Variants in ROBO1 observed in about 807,000 individuals in gnomAD.
The protein encoded by ROBO1 is roundabout homolog 1.
In ROBO1, 149 loss-of-function variants were observed where a neutral mutation model predicts 195.9. The observed-to-expected ratio is 0.76, with a 90% confidence interval of 0.67 to 0.87. The LOEUF (loss-of-function observed/expected upper bound fraction) is 0.87, where lower values mean the gene tolerates loss of function less well. Among genes scored for constraint, ROBO1 ranks in the 40% least tolerant of loss-of-function variants. The probability of loss-of-function intolerance (pLI) is 0.00; values close to 1 mark genes in which losing one functional copy is unlikely to be tolerated. For missense variants in ROBO1, 1,933 were observed against 2,068.3 expected (o/e 0.93, Z 1.27); for synonymous variants, 816 against 733.2 (o/e 1.11, Z -1.82).
chr3:78,975,939 G>T (rs762122084), intron 3 of ROBO1, among the ~76,000 whole-genome samples: 2 of 152,134 alleles, frequency 1.3e-5, no homozygotes, highest in Non-Finnish European at 2.9e-5. Context: ...GTTTAAGGCA[G>T]CATAAAGACC....
At chr3:79,281,532 T>C (rs2031508858) in intron 2 of ROBO1, among the ~76,000 whole-genome samples, 1 of 152,184 alleles carries the variant, frequency 6.6e-6, no homozygotes, top group Admixed American at 6.5e-5. Context: ...ATAGAATGTT[T>C]ATAGAAGTTT....
At chr3:78,690,471 G>T (rs2081147522) in intron 8 of ROBO1, among the ~76,000 whole-genome samples, 1 of 152,028 alleles carries the variant, frequency 6.6e-6, no homozygotes, top group South Asian at 2.1e-4. Flanking sequence ...TTTTAAAACT[G>T]TGATTGTAAT....
chr3:79,293,867 G>A (rs1187591696), intron 2 of ROBO1, among the ~76,000 whole-genome samples: 1 of 151,192 alleles, frequency 6.6e-6, no homozygotes, highest in Admixed American at 6.6e-5. Flanking sequence ...GACCATCCTG[G>A]CTAACACGGT....
At chr3:78,877,173 C>A (rs1294735473) in intron 4 of ROBO1, among the ~76,000 whole-genome samples, 2 of 152,034 alleles carry the variant, frequency 1.3e-5, no homozygotes, top group African/African-American at 4.8e-5. Context: ...TTTTGTAATA[C>A]TAGACTTGGT....
intron 2 of ROBO1, among the ~76,000 whole-genome samples, chr3:79,354,417 T>A (rs1263669983): frequency 6.6e-6 from 1 of 152,186 alleles, no homozygotes; most frequent in Non-Finnish European, 1.5e-5. Context: ...AAGGCCTAAT[T>A]TACCATGCCA....
At chr3:78,673,861 G>A (rs1009579020) in intron 10 of ROBO1, among the ~76,000 whole-genome samples, 6 of 151,308 alleles carry the variant, frequency 4.0e-5, no homozygotes, top group African/African-American at 1.5e-4. Flanking sequence ...AATAAACATC[G>A]CAGATAAAGA....
intron 3 of ROBO1, among the ~76,000 whole-genome samples, chr3:79,116,261 CCCTT>C (rs1197582747): frequency 7.3e-5 from 11 of 151,186 alleles, no homozygotes; most frequent in African/African-American, 1.2e-4. Context: ...CTCTTTCTTT[CCCTT>C]CCTTCCTTCC....
chr3:79,135,917 C>A (rs545291723), intron 2 of ROBO1, among the ~76,000 whole-genome samples: 1 of 152,076 alleles, frequency 6.6e-6, no homozygotes, highest in Admixed American at 6.5e-5. Context: ...GATTTACAGG[C>A]GTGAGCCACC....
intron 2 of ROBO1, among the ~76,000 whole-genome samples, chr3:79,367,172 A>G (rs1176689154): frequency 6.6e-6 from 1 of 152,140 alleles, no homozygotes; most frequent in Non-Finnish European, 1.5e-5. Flanking sequence ...CAATTAAAAC[A>G]TCTTACATGC....
At position 79,214,464 on chromosome 3, in the gene ROBO1, G is replaced by C. The variant is rs191056308; in HGVS notation, c.89-88925C>G. Among the ~76,000 whole-genome samples, 4 of 152,064 alleles carry C rather than the reference G, an allele frequency of 2.6e-5. No individual in the cohort carries two copies. In the East Asian group the frequency reaches 7.8e-4, roughly 29 times the overall value. On this transcript the variant is annotated intron_variant, in intron 2 of 30. Coordinates refer to ENST00000464233, the MANE Select transcript of ROBO1 (RefSeq NM_002941.4). Reference sequence around the variant, plus strand: ...TTTGATCAAGTTATTTAACCTCCTTGTAATTACCTGGACATCAGGCAAGAT... The same window carrying C: ...TTTGATCAAGTTATTTAACCTCCTTCTAATTACCTGGACATCAGGCAAGAT...
intron 5 of ROBO1, among the ~76,000 whole-genome samples, chr3:78,740,865 A>G (rs1368116102): frequency 2.0e-5 from 3 of 152,182 alleles, no homozygotes; most frequent in African/African-American, 7.2e-5. Flanking sequence ...TTCAATAAAC[A>G]TATCATATAT....
chr3:78,865,804 T>C (rs2107070195), intron 4 of ROBO1, among the ~76,000 whole-genome samples: 1 of 152,250 alleles, frequency 6.6e-6, no homozygotes, highest in Non-Finnish European at 1.5e-5. Flanking sequence ...ACATATAACA[T>C]ATTGTCTTGT....
At chr3:78,854,179 G>C (rs1291403994) in intron 4 of ROBO1, among the ~76,000 whole-genome samples, 2 of 151,196 alleles carry the variant, frequency 1.3e-5, no homozygotes, top group Non-Finnish European at 2.9e-5. Flanking sequence ...GTAAATTTCA[G>C]TTTGCCTGCC....
chr3:79,751,766 A>G (rs1220622920), intron 1 of ROBO1, among the ~76,000 whole-genome samples: 1 of 152,210 alleles, frequency 6.6e-6, no homozygotes, highest in African/African-American at 2.4e-5. Context: ...AACAAATTAA[A>G]TAATTTTCTT....
At chr3:79,650,763 A>T (rs563055960) in intron 1 of ROBO1, among the ~76,000 whole-genome samples, 1 of 152,076 alleles carries the variant, frequency 6.6e-6, no homozygotes, top group African/African-American at 2.4e-5. Flanking sequence ...AATCTGAAGA[A>T]GCATACATAT....
At chr3:78,884,678 A>G (rs1426239082) in intron 4 of ROBO1, among the ~76,000 whole-genome samples, 4 of 144,992 alleles carry the variant, frequency 2.8e-5, no homozygotes, top group Admixed American at 6.9e-5. Context: ...GAAGGAAGGA[A>G]GGAAGGAAGG....
intron 2 of ROBO1, among the ~76,000 whole-genome samples, chr3:79,149,540 GTTGTTT>G (rs373845861): frequency 0.014 from 2,058 of 151,348 alleles, 43 homozygotes; most frequent in African/African-American, 0.046. Flanking sequence ...TGTTGTTGTT[GTTGTTT>G]TTGTCTTTCA....
chr3:78,733,542 T>C (rs2082328368), intron 5 of ROBO1, among the ~76,000 whole-genome samples: 1 of 152,162 alleles, frequency 6.6e-6, no homozygotes, highest in Non-Finnish European at 1.5e-5. Flanking sequence ...TAAAAAGTAT[T>C]GATATTTAAA....
intron 2 of ROBO1, among the ~76,000 whole-genome samples, chr3:79,469,176 T>A (rs2107308599): frequency 6.6e-6 from 1 of 152,170 alleles, no homozygotes; most frequent in Non-Finnish European, 1.5e-5. Flanking sequence ...GAAAGAATGG[T>A]TTATAAAGAA....
Sources: gnomAD v4.1 joint callset for allele counts (sites outside exome capture counted in the v4.1 genomes callset) on GRCh38, gnomAD v4.1.1 for gene constraint, MANE v1.5 for transcripts, NCBI Gene and HGNC (gene_info 2026-07-23, HGNC 2026-07-21) for gene names.